Variants in CACNA2D4 observed in about 807,000 individuals in gnomAD.
CACNA2D4 encodes voltage-dependent calcium channel subunit alpha-2/delta-4.
A neutral mutation model predicts 163.8 loss-of-function variants in CACNA2D4; 157 were observed. The ratio of observed to expected loss-of-function variants is 0.96; its 90% confidence interval spans 0.84 to 1.09. CACNA2D4 has a LOEUF of 1.09. CACNA2D4 is among the 50% of genes least tolerant of loss of function. The probability of loss-of-function intolerance (pLI) is 0.00; values close to 1 mark genes in which losing one functional copy is unlikely to be tolerated. For synonymous variants in CACNA2D4, 598 were observed against 586.9 expected, an observed-to-expected ratio of 1.02 and a Z score of -0.27; for missense variants, 1,410 against 1,479.9, an observed-to-expected ratio of 0.95 and a Z score of 0.78.
At position 1,869,732 on chromosome 12, in the gene CACNA2D4, C is replaced by A. The variant is rs1326633926; in HGVS notation, c.1878+4872G>T. On this transcript the variant is annotated intron_variant, in intron 18 of 37. Transcript: ENST00000382722. The surrounding 1 kb of genome is among the most constrained non-coding windows in gnomAD (Gnocchi z 4.7). ...TAAGGTCTAATCCCTACGATAAAAT[C>A]CTACATTCTATCACTCCCAGGGGCT... Among the ~76,000 whole-genome samples, 1 of 150,170 alleles carries A rather than the reference C, an allele frequency of 6.7e-6. No homozygotes were observed. The highest frequency in any genetic ancestry group is 1.5e-5 in the Non-Finnish European group (1 of 68,042).
intron 3 of CACNA2D4, among the ~76,000 whole-genome samples, chr12:1,911,295 G>C (rs1340926383): frequency 6.6e-6 from 1 of 152,062 alleles, no homozygotes; most frequent in East Asian, 1.9e-4. Flanking sequence ...TGCCTTCCAC[G>C]TGAGCCACCG....
At chr12:1,796,083 G>A (rs967080389) in intron 35 of CACNA2D4, 13 of 318,046 alleles carry the variant, frequency 4.1e-5, no homozygotes, top group South Asian at 1.8e-4. Context: ...GACGACAGGC[G>A]TAAATCAAGA....
intron 26 of CACNA2D4, among the ~76,000 whole-genome samples, chr12:1,818,790 A>C (rs1863977252): frequency 7.0e-6 from 1 of 142,056 alleles, no homozygotes; most frequent in Non-Finnish European, 1.5e-5. Flanking sequence ...AATAAATTAA[A>C]AAAAAAAAAA....
At chr12:1,896,845 A>G (rs1866419960) in intron 6 of CACNA2D4, among the ~76,000 whole-genome samples, 1 of 152,344 alleles carries the variant, frequency 6.6e-6, no homozygotes, top group Non-Finnish European at 1.5e-5. Flanking sequence ...GTATACCTGC[A>G]CTGGCATCTT....
At chr12:1,800,478 A>G in intron 31 of CACNA2D4, 40 bp from the exon 32 acceptor site, 3 of 1,606,902 alleles carry the variant, frequency 1.9e-6, no homozygotes, top group Non-Finnish European at 2.6e-6. Flanking sequence ...ACCTAGGTCC[A>G]AGGGTGAGGG....
chr12:1,896,311 G>C (rs982922009), intron 6 of CACNA2D4, among the ~76,000 whole-genome samples: 2 of 152,102 alleles, frequency 1.3e-5, no homozygotes, highest in Admixed American at 6.6e-5. Context: ...TGTTGAATGA[G>C]AGAATTATTT....
rs112604068 is a variant in CACNA2D4, at chr12:1,795,326, T to C, written c.3282A>G (p.Pro1094=). Reference sequence around the variant, plus strand: ...CTGGATGGAAGGCGTGGCAGGAGTCTGGTCGCCGGCGGAGCTTCTGGGAGC... The same window carrying C: ...CTGGATGGAAGGCGTGGCAGGAGTCCGGTCGCCGGCGGAGCTTCTGGGAGC... ...RMRSQKLRRR[P]DSCHAFHPEE... Residue 1094 remains proline, a synonymous_variant, in exon 37 of 38, where the codon CCA becomes CCG. Coordinates refer to ENST00000382722, the MANE Select transcript of CACNA2D4 (RefSeq NM_172364.5). 3.9e-5 allele frequency: 63 copies of C among 1,612,930 alleles called. 1 individual carries two copies. Among genetic ancestry groups the C allele is most frequent in the African/African-American group, 1.7e-4 (13 of 74,924 alleles).
At chr12:1,857,366 G>A (rs1159989810) in intron 20 of CACNA2D4, among the ~76,000 whole-genome samples, 2 of 152,212 alleles carry the variant, frequency 1.3e-5, no homozygotes, top group African/African-American at 2.4e-5. Flanking sequence ...CAGCCAGGAG[G>A]AGCAGGCCCA....
Position 1,874,820 on chromosome 12 carries a change from G to GA in CACNA2D4, c.1807-146dup. 4.4e-6 allele frequency: 3 copies of GA among 686,784 alleles called. No homozygotes were observed. Among genetic ancestry groups the GA allele is most frequent in the Non-Finnish European group, 8.0e-6 (3 of 375,596 alleles). 42.5% of individuals were successfully genotyped at this position (686,784 alleles called of 1,614,324 possible). The stretch of plus-strand genomic sequence containing the variant: ...CTCTGAGAGAGATACCAGGAGGGAA[G>GA]ATGGACCTGACTCTAAGCTCCATCT... On this transcript the variant is annotated intron_variant, in intron 17 of 37. Coordinates refer to ENST00000382722, the MANE Select transcript of CACNA2D4 (RefSeq NM_172364.5). This position sits in a 1 kb window ranked among gnomAD's most constrained non-coding sequence, Gnocchi z 4.4.
chr12:1,906,246 A>G (rs2154451886), intron 6 of CACNA2D4, among the ~76,000 whole-genome samples: 1 of 152,348 alleles, frequency 6.6e-6, no homozygotes, highest in Admixed American at 6.5e-5. Flanking sequence ...ACACTTTATG[A>G]CATTAGAGTT....
chr12:1,822,979 G>C (rs1864169455), intron 26 of CACNA2D4, among the ~76,000 whole-genome samples: 1 of 152,226 alleles, frequency 6.6e-6, no homozygotes, highest in Non-Finnish European at 1.5e-5. Flanking sequence ...TGTGGGCCCA[G>C]TCGTGGCTCT....
At chr12:1,908,547 G>A (rs944620105) in intron 4 of CACNA2D4, among the ~76,000 whole-genome samples, 1 of 151,990 alleles carries the variant, frequency 6.6e-6, no homozygotes, top group Non-Finnish European at 1.5e-5. Context: ...GATTGCCTCC[G>A]GTGGAGCCCC....
At position 1,878,302 on chromosome 12, in the gene CACNA2D4, G is replaced by T; in HGVS notation, c.1719+13C>A. ...ACAGTAAGGATCCCAAGGCAAAGAA[G>T]ATCTGTACCTACCAGGGGCCGGAGG... On this transcript the variant is annotated intron_variant, in intron 16 of 37. Coordinates refer to ENST00000382722, the MANE Select transcript of CACNA2D4 (RefSeq NM_172364.5). The surrounding 1 kb of genome is among the most constrained non-coding windows in gnomAD (Gnocchi z 4.6). 6.2e-7 allele frequency: 1 copy of T among 1,605,244 alleles called. No individual in the cohort carries two copies. Among genetic ancestry groups the T allele is most frequent in the African/African-American group, 1.3e-5 (1 of 74,964 alleles).
At chr12:1,795,053 C>T (rs144675892) in intron 37 of CACNA2D4, 307 of 584,704 alleles carry the variant, frequency 5.3e-4, no homozygotes, top group African/African-American at 4.9e-3. Context: ...GCACCTATCA[C>T]CCTAATCAGG....
chr12:1,894,498 C>G (rs1214686302), intron 6 of CACNA2D4, among the ~76,000 whole-genome samples: 2 of 152,168 alleles, frequency 1.3e-5, no homozygotes, highest in Non-Finnish European at 2.9e-5. Flanking sequence ...CAACAAAATA[C>G]TAGCAAGCCA....
chr12:1,907,413 C>A, intron 6 of CACNA2D4, 27 bp downstream of exon 6: 1 of 1,605,192 alleles, frequency 6.2e-7, no homozygotes, highest in South Asian at 1.1e-5. Context: ...CCCAGAAGGT[C>A]GGGGAGATGC....
intron 4 of CACNA2D4, 69 bp downstream of exon 4, chr12:1,909,811 TCGCCACCCTACGCCGCCACCCTATGC>T: frequency 2.0e-6 from 2 of 977,900 alleles, no homozygotes; most frequent in South Asian, 2.8e-5. Context: ...AATCAGTGGA[TCGCCACCCTACGCCGCCACCCTATGC>T]CGCCACCCCC....
Position 1,912,599 on chromosome 12 carries a change from G to A in CACNA2D4, c.426+424C>T, listed in dbSNP as rs140978152. ...AGGAGGAGAGGGGAGGGGGGAGCTT[G>A]GCTTTGCTGGCTCCAGCTAGCTCGA... On this transcript the variant is annotated intron_variant, in intron 3 of 37. Transcript: ENST00000382722. Among the ~76,000 whole-genome samples, 9 of 152,298 alleles carry A rather than the reference G, an allele frequency of 5.9e-5. No homozygotes were observed. The East Asian group carries it at 1.7e-3, about 29-fold the overall frequency.
intron 26 of CACNA2D4, chr12:1,827,480 A>G (rs1864390874): frequency 6.5e-6 from 1 of 152,820 alleles, no homozygotes; most frequent in Non-Finnish European, 1.5e-5. Flanking sequence ...GAGTGCTGCT[A>G]TTCACCTCTG....
Sources: gnomAD v4.1 joint callset for allele counts (sites outside exome capture counted in the v4.1 genomes callset) on GRCh38, gnomAD v4.1.1 for gene constraint, Gnocchi (gnomAD v3.1) non-coding constraint, MANE v1.5 for transcripts, NCBI Gene and HGNC (gene_info 2026-07-23, HGNC 2026-07-21) for gene names.